The following NVL variants were observed in gnomAD, a reference collection of about 807,000 sequenced individuals.
The protein encoded by NVL is nuclear VCP like.
In NVL, 84 loss-of-function variants were observed where a neutral mutation model predicts 110.2. That is an observed-to-expected ratio of 0.76 (90% CI 0.64 to 0.91). NVL has a LOEUF of 0.91. Ranked by LOEUF, NVL falls within the 40% of genes least tolerant of loss-of-function variation. The pLI is 0.00. For synonymous variants in NVL, 354 were observed against 361.1 expected (o/e 0.98, Z 0.22); for missense variants, 882 against 1,035.9 (o/e 0.85, Z 2.04).
intron 15 of NVL, among the ~76,000 whole-genome samples, chr1:224,285,487 A>G (rs1181259465): frequency 2.0e-5 from 3 of 152,160 alleles, no homozygotes; most frequent in Non-Finnish European, 4.4e-5. Context: ...ATGCATGTAA[A>G]AACTTAAAAG....
chr1:224,231,434 T>C (rs191144710), intron 21 of NVL, 138 bp from the exon 22 acceptor site: 3 of 644,996 alleles, frequency 4.7e-6, no homozygotes, highest in Non-Finnish European at 8.2e-6. Context: ...CTGTTCTTTT[T>C]CAGAACAGTA....
At position 224,281,166 on chromosome 1, in the gene NVL, C is replaced by G. The variant is rs758732725; in HGVS notation, c.1919G>C (p.Gly640Ala). The change falls in exon 16 of 23, where the codon GGA (glycine) becomes GCA (alanine). Residue 640 changes from glycine to alanine, a missense_variant. By Grantham distance (60) the Gly-to-Ala change is moderately conservative. Transcript: ENST00000281701. Reference sequence around the variant, plus strand: ...GCCCTTGACAGATATAAAATTTAGTCCGGACTCATTTGCAACAGCCTAGCA... The same window carrying G: ...GCCCTTGACAGATATAAAATTTAGTGCGGACTCATTTGCAACAGCCTAGCA... ...LLAKAVANES[G>A]LNFISVKGPE... is the part of the protein sequence containing the mutation. 6.2e-7 allele frequency: 1 copy of G among 1,613,792 alleles called. No individual in the cohort carries two copies. The highest frequency in any genetic ancestry group is 1.7e-5 in the Admixed American group (1 of 59,986).
In NVL at chr1:224,330,077, G is replaced by A. The variant is rs1671534946; in HGVS notation, c.51C>T (p.Val17=). The A allele has an allele frequency of 6.2e-7, 1 of 1,614,152 alleles. No homozygotes were observed. Among genetic ancestry groups the A allele is most frequent in the East Asian group, 2.2e-5 (1 of 44,872 alleles). Residue 17 remains valine, a synonymous_variant, in exon 1 of 23, where the codon GTC becomes GTT. Coordinates refer to ENST00000281701, the MANE Select transcript of NVL (RefSeq NM_002533.4). ...GFVDNKLKQR[V]IQYLTSNKCG... is the part of the protein sequence containing the mutation. ...AGCGGTGCAGAATACACACCTGGAT[G>A]ACTCGCTGCTTGAGTTTATTATCCA... is the stretch of plus-strand genomic sequence containing the variant.
chr1:224,300,461 G>C (rs1668290085), intron 10 of NVL, 101 bp downstream of exon 10: 1 of 656,760 alleles, frequency 1.5e-6, no homozygotes, highest in African/African-American at 1.8e-5. Context: ...TAAAAGAATG[G>C]CCAGTGAGTG....
chr1:224,240,061 A>ACT (rs1553305439), intron 19 of NVL, among the ~76,000 whole-genome samples: 4 of 90,940 alleles, frequency 4.4e-5, no homozygotes, highest in East Asian at 6.5e-4. Context: ...ACGCTGGGTA[A>ACT]TTTTTTTTTT....
intron 17 of NVL, among the ~76,000 whole-genome samples, chr1:224,272,000 C>T (rs754831137): frequency 1.8e-4 from 27 of 146,654 alleles, no homozygotes; most frequent in Non-Finnish European, 3.2e-4. Flanking sequence ...GGCAACAGAA[C>T]GAGACTCTGT....
intron 9 of NVL, among the ~76,000 whole-genome samples, chr1:224,302,763 T>C (rs1668543065): frequency 6.6e-6 from 1 of 151,960 alleles, no homozygotes. Context: ...TTAGAACCAC[T>C]GGGAGGGCAG....
intron 19 of NVL, among the ~76,000 whole-genome samples, chr1:224,245,478 T>G (rs558189586): frequency 6.6e-6 from 1 of 152,304 alleles, no homozygotes; most frequent in Non-Finnish European, 1.5e-5. Flanking sequence ...AGGCTGCATG[T>G]GGGTCCTGCT....
intron 2 of NVL, among the ~76,000 whole-genome samples, chr1:224,323,601 T>C (rs1670865232): frequency 6.6e-6 from 1 of 152,152 alleles, no homozygotes; most frequent in Admixed American, 6.6e-5. Flanking sequence ...CAGGATTCTA[T>C]AGGACAGGGC....
At chr1:224,254,655 T>A (rs983965563) in intron 18 of NVL, among the ~76,000 whole-genome samples, 2 of 150,556 alleles carry the variant, frequency 1.3e-5, no homozygotes, top group African/African-American at 4.9e-5. Context: ...CCTCAGGTGA[T>A]CTGCTCATCT....
chr1:224,305,098 G>C lies in NVL; in HGVS notation c.684C>G (p.Ser228Arg). The change falls in exon 7 of 23, where the codon AGC (serine) becomes AGG (arginine). Residue 228 changes from serine (S) to arginine (R), a missense_variant. Transcript: ENST00000281701. ...KRKGKLKNKG[S>R]KRKKEDLQEV... ...CCTGAAGATCTTCTTTCTTCCTTTT[G>C]CTTCCTTTATTCTTTAGCTTGCCTT... is the stretch of plus-strand genomic sequence containing the variant. 1 of 1,613,552 alleles carries C rather than the reference G, an allele frequency of 6.2e-7. No individual in the cohort carries two copies. Among genetic ancestry groups the C allele is most frequent in the Non-Finnish European group, 8.5e-7 (1 of 1,179,782 alleles).
intron 15 of NVL, among the ~76,000 whole-genome samples, chr1:224,283,060 G>A (rs1344380950): frequency 6.6e-6 from 1 of 152,108 alleles, no homozygotes; most frequent in Non-Finnish European, 1.5e-5. Context: ...CTGATGAAAG[G>A]TGTTGTGAAC....
chr1:224,308,193 G>C lies in NVL; in HGVS notation c.413C>G (p.Thr138Ser). ...GGTTTCTCTTTGCTCCATCTCAGGA[G>C]TATTTGAAACAGAATCAGGATTTCC... ...RKGNPDSVSN[T>S]PEMEQRETTS... The change falls in exon 6 of 23, where the codon ACT becomes AGT. Residue 138 changes from threonine to serine, a missense_variant. Thr to Ser is a moderately conservative substitution (Grantham distance 58, BLOSUM62 1). This residue lies in a region of NVL where 274 missense variants were observed against 268.4 expected (regional missense o/e 1.02). Coordinates refer to ENST00000281701, the MANE Select transcript of NVL (RefSeq NM_002533.4). The C allele has an allele frequency of 6.2e-7, 1 of 1,613,960 alleles. No individual in the cohort carries two copies. The highest frequency in any genetic ancestry group is 8.5e-7 in the Non-Finnish European group (1 of 1,179,946).
chr1:224,295,197 C>A (rs1332155590), intron 11 of NVL, among the ~76,000 whole-genome samples: 2 of 144,498 alleles, frequency 1.4e-5, no homozygotes, highest in African/African-American at 5.0e-5. Context: ...ACAGTGTGTT[C>A]TTTTTTTTTT....
chr1:224,323,400 TC>T (rs1670844963), intron 2 of NVL, among the ~76,000 whole-genome samples: 1 of 152,156 alleles, frequency 6.6e-6, no homozygotes, highest in Non-Finnish European at 1.5e-5. Flanking sequence ...AAAAGCATAA[TC>T]TAAAGAGAAC....
At chr1:224,279,994 T>C (rs1666156793) in intron 16 of NVL, among the ~76,000 whole-genome samples, 2 of 151,968 alleles carry the variant, frequency 1.3e-5, no homozygotes, top group South Asian at 2.1e-4. Context: ...CTTATACTTC[T>C]GAAACATATA....
At position 224,308,107 on chromosome 1, in the gene NVL, T is replaced by C; in HGVS notation, c.499A>G (p.Lys167Glu). Residue 167 changes from lysine (K) to glutamate (E), a missense_variant, in exon 6 of 23, where the codon AAA becomes GAA. Lys to Glu is a moderately conservative substitution (Grantham distance 56). Coordinates refer to ENST00000281701, the MANE Select transcript of NVL (RefSeq NM_002533.4). ...ATAAACCATCCTCCTTCAGAATCTT[T>C]GGCAGGGGTCTTCAAGGGAATGGAG... The part of the protein sequence containing the change: ...TGSIPLKTPA[K>E]DSEGGWFIDK... 2 of 1,613,710 alleles carry C rather than the reference T, an allele frequency of 1.2e-6. No individual in the cohort carries two copies. Among genetic ancestry groups the C allele is most frequent in the East Asian group, 2.2e-5 (1 of 44,854 alleles).
Position 224,227,685 on chromosome 1 carries a change from A to G in NVL, c.2527-15T>C. 1 of 1,608,632 alleles carries G rather than the reference A, an allele frequency of 6.2e-7. No individual in the cohort carries two copies. Among genetic ancestry groups the G allele is most frequent in the Non-Finnish European group, 8.5e-7 (1 of 1,176,534 alleles). ...ATGATTTGATCCTGAAAGGAGGGAG[A>G]ACACAGAATACAGAGACCGTCACTG... On this transcript the variant is annotated splice_polypyrimidine_tract_variant and intron_variant, in intron 22 of 22. Transcript: ENST00000281701.
intron 15 of NVL, 127 bp from the exon 16 acceptor site, chr1:224,281,312 T>TGTGTGA: frequency 1.3e-6 from 1 of 749,234 alleles, no homozygotes; most frequent in Non-Finnish European, 2.3e-6. Context: ...TGTGTGTGTG[T>TGTGTGA]GAGATTTAGA....
Sources: gnomAD v4.1 joint callset for allele counts (sites outside exome capture counted in the v4.1 genomes callset) on GRCh38, gnomAD v4.1.1 for gene constraint, gnomAD v4.1.1 regional missense constraint, MANE v1.5 for transcripts, NCBI Gene and HGNC (gene_info 2026-07-23, HGNC 2026-07-21) for gene names.